The following IGSF9B variants were observed in gnomAD, a reference collection of about 807,000 sequenced individuals.
The protein encoded by IGSF9B is immunoglobulin superfamily member 9B.
In IGSF9B, 48 loss-of-function variants were observed where a neutral mutation model predicts 143.7. That is an observed-to-expected ratio of 0.33 (90% confidence interval 0.26 to 0.42). IGSF9B has a LOEUF of 0.42. Ranked by LOEUF, IGSF9B falls within the 20% of genes least tolerant of loss-of-function variation. IGSF9B has a pLI of 1.00. For synonymous variants in IGSF9B, 903 were observed against 833.1 expected, an observed-to-expected ratio of 1.08 and a Z score of -1.44; for missense variants, 1,706 against 1,980.0, an observed-to-expected ratio of 0.86 and a Z score of 2.63.
In IGSF9B at chr11:133,920,011, G is replaced by A; in HGVS notation, c.3714C>T (p.Thr1238=). 6.3e-7 allele frequency: 1 copy of A among 1,585,128 alleles called. No individual in the cohort carries two copies. Among genetic ancestry groups the A allele is most frequent in the Non-Finnish European group, 8.6e-7 (1 of 1,165,308 alleles). ...LLQQAEMSEI[T]LQPPAAVSFS... is the part of the protein sequence containing the mutation. ...AGCTGACTGCAGCCGGCGGCTGCAG[G>A]GTGATCTCTGACATCTCTGCCTGCT... The change falls in exon 18 of 20, where the codon ACC becomes ACT. Residue 1238 remains threonine (T), a synonymous_variant. Transcript: ENST00000533871.
chr11:133,901,911 AC>A lies in IGSF9B; in HGVS notation c.*7157del. Among the ~76,000 whole-genome samples, 1 of 145,322 alleles carries A rather than the reference AC, an allele frequency of 6.9e-6. No individual in the cohort carries two copies. The highest frequency in any genetic ancestry group is 1.5e-5 in the Non-Finnish European group (1 of 65,990). On this transcript the variant is annotated 3_prime_UTR_variant, in exon 20 of 20. Transcript: ENST00000533871. The stretch of plus-strand genomic sequence containing the variant: ...ACACAACACACACACAACACACCAC[AC>A]ACAACACACACCAAACCACACAACA...
intron 11 of IGSF9B, 70 bp downstream of exon 11, chr11:133,930,914 C>T (rs1939713927): frequency 4.1e-6 from 6 of 1,450,562 alleles, no homozygotes; most frequent in African/African-American, 2.8e-5. Flanking sequence ...ACGCTCCCAG[C>T]GTCCAGCACC....
rs369339794 is a variant in IGSF9B at position 133,946,168 on chromosome 11, G to A, written c.155C>T (p.Thr52Met). Residue 52 changes from threonine (T) to methionine (M), a missense_variant, in exon 2 of 20, where the codon ACG becomes ATG. By Grantham distance (81) the Thr-to-Met change is moderately conservative. This residue lies in a region of IGSF9B where 171 missense variants were observed against 213.9 expected (regional missense o/e 0.80). Transcript: ENST00000533871. ...TACGACATAGGGTGGGGGCTGTCCC[G>A]TCACTGGGTGGATCACGTCGCATCG... is the stretch of plus-strand genomic sequence containing the variant. ...VLRCDVIHPV[T>M]GQPPPYVVEW... The A allele has an allele frequency of 4.2e-5, 67 of 1,613,430 alleles. No individual in the cohort carries two copies. The highest frequency in any genetic ancestry group is 2.9e-4 in the South Asian group (26 of 90,902).
Position 133,908,613 on chromosome 11 carries a change from CCA to C in IGSF9B, c.*454_*455del, listed in dbSNP as rs1939249377. ...TATATATATACACACATAGAGAAAC[CCA>C]CACACTACAGACATATGCATCTGTA... On this transcript the variant is annotated 3_prime_UTR_variant, in exon 20 of 20. Transcript: ENST00000533871. 1 of 152,560 alleles carries C rather than the reference CCA, an allele frequency of 6.6e-6. No individual in the cohort carries two copies. The highest frequency in any genetic ancestry group is 1.4e-5 in the Non-Finnish European group (1 of 69,276). 9.5% of individuals were successfully genotyped at this position (152,560 alleles called of 1,614,324 possible).
chr11:133,937,196 C>T (rs924617262), intron 5 of IGSF9B, among the ~76,000 whole-genome samples, 180 bp downstream of exon 5: 5 of 152,178 alleles, frequency 3.3e-5, no homozygotes, highest in Non-Finnish European at 7.4e-5. Flanking sequence ...CCCAGGCAGC[C>T]GGTGCAGGAG....
rs531242667 is a variant in IGSF9B at position 133,954,330 on chromosome 11, C to T, written c.64+2361G>A. Among the ~76,000 whole-genome samples the T allele has an allele frequency of 1.2e-4, 19 of 152,280 alleles. No homozygotes were observed. The South Asian group carries it at 3.5e-3, about 28-fold the overall frequency. On this transcript the variant is annotated intron_variant, in intron 1 of 19. Transcript: ENST00000533871. ...CTTCCGAGCAGCTTTGAGGCCCGCA[C>T]ATCCTGCACACGTGTCCCTGGGATG... is the stretch of plus-strand genomic sequence containing the variant.
Position 133,929,067 on chromosome 11 carries a change from G to T in IGSF9B, c.1631+604C>A, listed in dbSNP as rs892447533. ...GACCTGGTGTTTGCCAGCACAACAG[G>T]ATTACAAGCAACAATAATGTATCAT... On this transcript the variant is annotated intron_variant, in intron 12 of 19. Coordinates refer to ENST00000533871, the MANE Select transcript of IGSF9B (RefSeq NM_001277285.4). Among the ~76,000 whole-genome samples, 4 of 152,090 alleles carry T rather than the reference G, an allele frequency of 2.6e-5. No homozygotes were observed. The South Asian group carries it at 6.2e-4, about 24-fold the overall frequency.
In IGSF9B at chr11:133,906,309, G is replaced by A. The variant is rs561162539; in HGVS notation, c.*2760C>T. ...GACATCTTCACCCTCTATCCACGGA[G>A]GGAACTGCGTTCCACCAATCCCATC... On this transcript the variant is annotated 3_prime_UTR_variant, in exon 20 of 20. Transcript: ENST00000533871. Among the ~76,000 whole-genome samples, 30 of 152,334 alleles carry A rather than the reference G, an allele frequency of 2.0e-4. No homozygotes were observed. The highest frequency in any genetic ancestry group is 1.7e-3 in the Admixed American group (26 of 15,304).
intron 3 of IGSF9B, among the ~76,000 whole-genome samples, chr11:133,943,593 T>C (rs1009958698): frequency 6.6e-6 from 1 of 152,138 alleles, no homozygotes; most frequent in African/African-American, 2.4e-5. Flanking sequence ...GCACAAGGCA[T>C]TTAACCTGAG....
At chr11:133,925,994 G>A (rs779459048) in intron 13 of IGSF9B, 29 bp from the exon 14 acceptor site, 1 of 1,504,142 alleles carries the variant, frequency 6.6e-7, no homozygotes, top group South Asian at 1.2e-5. Context: ...AAGAACCACA[G>A]CGCATCAGCG....
intron 18 of IGSF9B, among the ~76,000 whole-genome samples, chr11:133,916,943 G>A (rs970587164): frequency 6.6e-6 from 1 of 152,176 alleles, no homozygotes; most frequent in African/African-American, 2.4e-5. Context: ...CCCTATGCCA[G>A]ACAGCCTCAC....
intron 13 of IGSF9B, 98 bp from the exon 14 acceptor site, chr11:133,926,063 G>GCT (rs1939620315): frequency 2.8e-5 from 25 of 890,392 alleles, no homozygotes; most frequent in Non-Finnish European, 4.4e-5. Flanking sequence ...GGCCCAGAGG[G>GCT]AAGCAGAGTC....
rs1465262898 is a variant in IGSF9B at position 133,909,074 on chromosome 11, G to A, written c.4309C>T (p.Leu1437=). The part of the protein sequence containing the change: ...DHDDPGHATL[L] ...ACACCTAGAGTGGGGTGGAGTCACAGCAAAGTGGCATGTCCTGGGTCATCG... is the reference window on the plus strand; with the variant it reads ...ACACCTAGAGTGGGGTGGAGTCACAACAAAGTGGCATGTCCTGGGTCATCG... Residue 1437 remains leucine, a synonymous_variant, in exon 20 of 20, where the codon CTG becomes TTG. Transcript: ENST00000533871. This position sits in a 1 kb window ranked among gnomAD's most constrained non-coding sequence, Gnocchi z 4.2. 4 of 1,535,352 alleles carry A rather than the reference G, an allele frequency of 2.6e-6. No homozygotes were observed. The highest frequency in any genetic ancestry group is 2.6e-6 in the Non-Finnish European group (3 of 1,146,372).
At chr11:133,940,446 A>AAC (rs764268738) in intron 3 of IGSF9B, among the ~76,000 whole-genome samples, 10 of 109,294 alleles carry the variant, frequency 9.1e-5, no homozygotes, top group South Asian at 3.1e-4. Context: ...CACATGCAAA[A>AAC]ACACACCTCG....
At chr11:133,919,496 C>T (rs746293609) in intron 18 of IGSF9B, among the ~76,000 whole-genome samples, 36 of 152,338 alleles carry the variant, frequency 2.4e-4, no homozygotes, top group Non-Finnish European at 3.4e-4. Flanking sequence ...CCGCCGAGAG[C>T]TCAGGGCTTG....
In IGSF9B at chr11:133,932,219, T is replaced by A. The variant is rs980126699; in HGVS notation, c.968-6A>T. 8 of 1,552,632 alleles carry A rather than the reference T, an allele frequency of 5.2e-6. No homozygotes were observed. Among genetic ancestry groups the A allele is most frequent in the Admixed American group, 3.9e-5 (2 of 51,098 alleles). Reference sequence around the variant, plus strand: ...GTTGAGGACACGCGCTGGGTCTGCATAGAGGAAGCGCAGGTGAGAGAGCAG... The same window carrying A: ...GTTGAGGACACGCGCTGGGTCTGCAAAGAGGAAGCGCAGGTGAGAGAGCAG... On this transcript the variant is annotated splice_region_variant and splice_polypyrimidine_tract_variant and intron_variant, in intron 7 of 19. Coordinates refer to ENST00000533871, the MANE Select transcript of IGSF9B (RefSeq NM_001277285.4).
At chr11:133,917,533 G>A (rs906416748) in intron 18 of IGSF9B, among the ~76,000 whole-genome samples, 4 of 152,086 alleles carry the variant, frequency 2.6e-5, no homozygotes, top group African/African-American at 9.7e-5. Flanking sequence ...GGCTACAACA[G>A]GGACCTTGAA....
In IGSF9B at chr11:133,921,314, G is replaced by C. The variant is rs775887861; in HGVS notation, c.2411C>G (p.Ala804Gly). 5 of 1,605,664 alleles carry C rather than the reference G, an allele frequency of 3.1e-6. No individual in the cohort carries two copies. In the East Asian group the frequency reaches 1.1e-4, roughly 36 times the overall value. Residue 804 changes from alanine (A) to glycine (G), a missense_variant, in exon 18 of 20, where the codon GCG becomes GGG. Ala to Gly is a moderately conservative substitution (Grantham distance 60, BLOSUM62 0). Around this residue, in one of 7 missense-constraint regions of IGSF9B, gnomAD observed 135 missense variants for 181.3 expected, o/e 0.74. Coordinates refer to ENST00000533871, the MANE Select transcript of IGSF9B (RefSeq NM_001277285.4). ...GGTGGGGCTCAGCATCCTCTTGGCC[G>C]CGGGCTGGCCCTGGTCGTCGGAGGA... Reference protein sequence around the residue: ...SESSDDQGQPAAKRMLSPTRE... With the variant: ...SESSDDQGQPGAKRMLSPTRE...
chr11:133,913,915 C>G lies in IGSF9B; in HGVS notation c.3984-1908G>C, dbSNP rs1462485146. On this transcript the variant is annotated intron_variant, in intron 18 of 19. Coordinates refer to ENST00000533871, the MANE Select transcript of IGSF9B (RefSeq NM_001277285.4). The surrounding 1 kb of genome is among the most constrained non-coding windows in gnomAD (Gnocchi z 4.6). ...GGCCGGCCTCTTCAGGAGGACCACACAGGGTGAGCGACGTGTGGTCAGGGA... is the reference window on the plus strand; with the variant it reads ...GGCCGGCCTCTTCAGGAGGACCACAGAGGGTGAGCGACGTGTGGTCAGGGA... Among the ~76,000 whole-genome samples the G allele has an allele frequency of 6.6e-6, 1 of 152,188 alleles. No individual in the cohort carries two copies. Among genetic ancestry groups the G allele is most frequent in the East Asian group, 1.9e-4 (1 of 5,180 alleles).
Sources: gnomAD v4.1 joint callset for allele counts (sites outside exome capture counted in the v4.1 genomes callset) on GRCh38, gnomAD v4.1.1 for gene constraint, gnomAD v4.1.1 regional missense constraint, Gnocchi (gnomAD v3.1) non-coding constraint, MANE v1.5 for transcripts, NCBI Gene and HGNC (gene_info 2026-07-23, HGNC 2026-07-21) for gene names.